The following CHD7 variants were observed in gnomAD, a reference collection of about 807,000 sequenced individuals.
CHD7 encodes the protein chromodomain helicase DNA binding protein 7.
In CHD7, 24 loss-of-function variants were observed where a neutral mutation model predicts 307.3. The observed-to-expected ratio is 0.08, with a 90% confidence interval of 0.06 to 0.11. The LOEUF (loss-of-function observed/expected upper bound fraction) is 0.11, where lower values mean the gene tolerates loss of function less well. Among genes scored for constraint, CHD7 ranks in the 10% least tolerant of loss-of-function variants. The pLI, the probability that CHD7 is intolerant of heterozygous loss-of-function variation, is 1.00. For synonymous variants in CHD7, 1,363 were observed against 1,349.9 expected (o/e 1.01, Z -0.21); for missense variants, 3,106 against 3,727.1 (o/e 0.83, Z 4.34).
intron 3 of CHD7, 45 bp from the exon 4 acceptor site, chr8:60,794,941 A>G (rs1811945010): frequency 1.3e-6 from 2 of 1,560,490 alleles, no homozygotes; most frequent in African/African-American, 2.8e-5. Flanking sequence ...AGACATGCAG[A>G]AACACATTAA....
chr8:60,800,240 G>A (rs1304686004), intron 4 of CHD7, 148 bp from the exon 5 acceptor site: 2 of 598,176 alleles, frequency 3.3e-6, no homozygotes, highest in African/African-American at 1.9e-5. Flanking sequence ...CACCATGTTA[G>A]CCAGGATGGT....
chr8:60,783,167 GA>G (rs1811341149), intron 3 of CHD7, among the ~76,000 whole-genome samples: 1 of 152,064 alleles, frequency 6.6e-6, no homozygotes, highest in Admixed American at 6.5e-5. Flanking sequence ...ATATTGTTAT[GA>G]ATTTCCAAGT....
chr8:60,826,805 A>G (rs1804272974), intron 13 of CHD7, among the ~76,000 whole-genome samples: 1 of 152,216 alleles, frequency 6.6e-6, no homozygotes, highest in Non-Finnish European at 1.5e-5. Flanking sequence ...CATTGATTCT[A>G]GTATCTCTTT....
At position 60,867,108 on chromosome 8, in the gene CHD7, A is replaced by G. The variant is rs1252842680; in HGVS notation, c.*1175A>G. ...AATTACTCTCACATAATTCCACTCC[A>G]GATATCTCAACAGAAATGCATACAA... On this transcript the variant is annotated 3_prime_UTR_variant, in exon 38 of 38. Transcript: ENST00000423902. 6.6e-6 allele frequency: 1 copy of G among 152,230 alleles called. No homozygotes were observed. Among genetic ancestry groups the G allele is most frequent in the Non-Finnish European group, 1.5e-5 (1 of 68,036 alleles). 9.4% of individuals were successfully genotyped at this position (152,230 alleles called of 1,614,324 possible). A position where few individuals can be genotyped will look rare whatever the true frequency, so the allele number is the denominator to read the frequency against.
At position 60,865,590 on chromosome 8, in the gene CHD7, C is replaced by G. The variant is rs775800575; in HGVS notation, c.8651C>G (p.Pro2884Arg). Reference protein sequence around the residue: ...VGAATAPAGLPSNPLAFNPFL... With the variant: ...VGAATAPAGLRSNPLAFNPFL... Reference sequence around the variant, plus strand: ...GCTGCTACTGCCCCGGCTGGATTGCCCTCAAACCCGCTAGCCTTCAACCCT... The same window carrying G: ...GCTGCTACTGCCCCGGCTGGATTGCGCTCAAACCCGCTAGCCTTCAACCCT... The change falls in exon 38 of 38, where the codon CCC (proline) becomes CGC (arginine). Residue 2884 changes from proline (P) to arginine (R), a missense_variant. Pro to Arg is a moderately radical substitution (Grantham distance 103). Coordinates refer to ENST00000423902, the MANE Select transcript of CHD7 (RefSeq NM_017780.4). The surrounding 1 kb of genome is among the most constrained non-coding windows in gnomAD (Gnocchi z 4.3). 2 of 1,614,008 alleles carry G rather than the reference C, an allele frequency of 1.2e-6. No individual in the cohort carries two copies. Among genetic ancestry groups the G allele is most frequent in the Middle Eastern group, 3.3e-4 (2 of 6,062 alleles).
chr8:60,782,199 A>G (rs1332062961), intron 3 of CHD7, among the ~76,000 whole-genome samples: 1 of 152,242 alleles, frequency 6.6e-6, no homozygotes, highest in African/African-American at 2.4e-5. Flanking sequence ...GTTAGAAAAT[A>G]TAGTTTCCAG....
chr8:60,686,034 G>T (rs1331196881), intron 1 of CHD7, among the ~76,000 whole-genome samples: 2 of 152,150 alleles, frequency 1.3e-5, no homozygotes, highest in East Asian at 3.8e-4. Context: ...TTAGGGGTCT[G>T]TTTCAAAGAT....
rs377172621 is a variant in CHD7 at position 60,795,354 on chromosome 8, A to G, written c.2238+227A>G. ...GCTTGGTTTTGCTATCTTTGACTCT[A>G]TAATTAATAAGGCAAAGATTCTTCA... On this transcript the variant is annotated intron_variant, in intron 4 of 37. Transcript: ENST00000423902. 7.2e-5 allele frequency among the ~76,000 whole-genome samples: 11 copies of G among 152,328 alleles called. No individual in the cohort carries two copies. The South Asian group carries it at 1.2e-3, about 17-fold the overall frequency.
chr8:60,844,244 T>C (rs940901213), intron 21 of CHD7, among the ~76,000 whole-genome samples: 2 of 152,242 alleles, frequency 1.3e-5, no homozygotes, highest in Non-Finnish European at 2.9e-5. Flanking sequence ...TTCTGTCTTC[T>C]GTCCATAGTC....
rs779931738 is a variant in CHD7, at chr8:60,851,130, T to G, written c.5607+26T>G. ...GTATGAACTTGAGTATATTGGCTTTTATAGCTCCATTAAAATATTATATGC... is the reference window on the plus strand; with the variant it reads ...GTATGAACTTGAGTATATTGGCTTTGATAGCTCCATTAAAATATTATATGC... On this transcript the variant is annotated intron_variant, in intron 27 of 37. Coordinates refer to ENST00000423902, the MANE Select transcript of CHD7 (RefSeq NM_017780.4). 16 of 1,527,762 alleles carry G rather than the reference T, an allele frequency of 1.0e-5. No individual in the cohort carries two copies. In the African/African-American group the frequency reaches 1.2e-4, roughly 12 times the overall value. The allele number at this position is 1,527,762 out of a possible 1,614,324, so 94.6% of individuals were successfully genotyped here.
At chr8:60,743,412 A>G (rs1342891177) in intron 2 of CHD7, among the ~76,000 whole-genome samples, 1 of 152,138 alleles carries the variant, frequency 6.6e-6, no homozygotes, top group Admixed American at 6.5e-5. Flanking sequence ...CCTTCTCTCA[A>G]TTCTTCTTTA....
intron 7 of CHD7, among the ~76,000 whole-genome samples, chr8:60,813,558 A>G (rs751799496): frequency 6.6e-6 from 1 of 152,192 alleles, no homozygotes; most frequent in African/African-American, 2.4e-5. Context: ...TGTGTTAACA[A>G]AATACCTATC....
intron 21 of CHD7, among the ~76,000 whole-genome samples, chr8:60,842,692 T>TA (rs1266117736): frequency 6.9e-4 from 103 of 148,758 alleles, no homozygotes; most frequent in Middle Eastern, 3.5e-3. Context: ...CAACTCCTGT[T>TA]AAAAAAAAAA....
At chr8:60,799,811 T>C (rs4289855) in intron 4 of CHD7, among the ~76,000 whole-genome samples, 128,393 of 152,098 alleles carry the variant, frequency 0.84, 54,695 homozygotes, top group East Asian at 0.96. Context: ...ACTGAGGAAC[T>C]AGATTTGTTA....
chr8:60,823,734 GA>G, intron 12 of CHD7, 105 bp from the exon 13 acceptor site: 1 of 929,512 alleles, frequency 1.1e-6, no homozygotes, highest in Non-Finnish European at 1.6e-6. Flanking sequence ...CTAAAATAAA[GA>G]GATCTCCAAA....
chr8:60,741,953 C>T lies in CHD7; in HGVS notation c.521C>T (p.Pro174Leu), dbSNP rs767279224. 57 of 1,613,658 alleles carry T rather than the reference C, an allele frequency of 3.5e-5. No individual in the cohort carries two copies. The highest frequency in any genetic ancestry group is 6.7e-5 in the African/African-American group (5 of 75,030). Reference protein sequence around the residue: ...QPQPQPPQPAPSGPPAQGHPQ... With the variant: ...QPQPQPPQPALSGPPAQGHPQ... ...CAGCCGCAGCCACCGCAGCCGGCTCCGTCGGGGCCCCCTGCACAGGGCCAC... is the reference window on the plus strand; with the variant it reads ...CAGCCGCAGCCACCGCAGCCGGCTCTGTCGGGGCCCCCTGCACAGGGCCAC... The change falls in exon 2 of 38, where the codon CCG (proline) becomes CTG (leucine). Residue 174 changes from proline (P) to leucine (L), a missense_variant. By Grantham distance (98) the Pro-to-Leu change is moderately conservative. Coordinates refer to ENST00000423902, the MANE Select transcript of CHD7 (RefSeq NM_017780.4).
chr8:60,825,317 A>G (rs1053928850), intron 13 of CHD7: 3 of 152,268 alleles, frequency 2.0e-5, no homozygotes, highest in Admixed American at 6.5e-5. Flanking sequence ...AGTTTTGCTT[A>G]AAGGAAAAAG....
chr8:60,730,716 C>T (rs913277642), intron 1 of CHD7, among the ~76,000 whole-genome samples: 1 of 152,054 alleles, frequency 6.6e-6, no homozygotes, highest in Admixed American at 6.6e-5. Context: ...AAAAATTAGC[C>T]GGTCATAGTG....
rs372644599 is a variant in CHD7 at position 60,850,547 on chromosome 8, G to A, written c.5459G>A (p.Arg1820Gln). The A allele has an allele frequency of 1.7e-5, 28 of 1,613,344 alleles. No homozygotes were observed. The highest frequency in any genetic ancestry group is 4.4e-5 in the South Asian group (4 of 90,936). ...RADPALCFLE[R>Q]VGMPDAKAIA... ...GACCCCGCGCTGTGCTTTCTGGAAC[G>A]AGTCGGTATGCCTGATGCCAAGGCC... is the stretch of plus-strand genomic sequence containing the variant. The change falls in exon 26 of 38, where the codon CGA becomes CAA. Residue 1820 changes from arginine (R) to glutamine (Q), a missense_variant. Physicochemically the swap from Arg to Gln is conservative, Grantham distance 43. Coordinates refer to ENST00000423902, the MANE Select transcript of CHD7 (RefSeq NM_017780.4).
Sources: gnomAD v4.1 joint callset for allele counts (sites outside exome capture counted in the v4.1 genomes callset) on GRCh38, gnomAD v4.1.1 for gene constraint, Gnocchi (gnomAD v3.1) non-coding constraint, MANE v1.5 for transcripts, NCBI Gene and HGNC (gene_info 2026-07-23, HGNC 2026-07-21) for gene names.